Variants in ANK3 observed in about 807,000 individuals in gnomAD.
The protein encoded by ANK3 is ankyrin-3.
In ANK3, 57 loss-of-function variants were observed where a neutral mutation model predicts 370.9. That is an observed-to-expected ratio of 0.15 (90% CI 0.12 to 0.19). ANK3 has a LOEUF of 0.19. Ranked by LOEUF, ANK3 falls within the 10% of genes least tolerant of loss-of-function variation. The probability of loss-of-function intolerance (pLI) is 1.00; values close to 1 mark genes in which losing one functional copy is unlikely to be tolerated. For missense variants in ANK3, 4,439 were observed against 5,302.1 expected (o/e 0.84, Z 5.06); for synonymous variants, 1,929 against 1,946.3 (o/e 0.99, Z 0.23).
intron 2 of ANK3, among the ~76,000 whole-genome samples, chr10:60,467,439 G>A (rs1260472876): frequency 6.6e-6 from 1 of 152,118 alleles, no homozygotes; most frequent in Admixed American, 6.5e-5. Context: ...AGCAGGATGT[G>A]GGAGGTATCA....
intron 1 of ANK3, among the ~76,000 whole-genome samples, chr10:60,352,075 C>T (rs1407276245): frequency 6.6e-6 from 1 of 152,164 alleles, no homozygotes; most frequent in Non-Finnish European, 1.5e-5. Context: ...CACAGGCAGA[C>T]ACCTGAAGTT....
intron 7 of ANK3, among the ~76,000 whole-genome samples, chr10:60,246,648 T>C (rs1338780982): frequency 6.6e-6 from 1 of 152,194 alleles, no homozygotes; most frequent in Non-Finnish European, 1.5e-5. Context: ...GCTCTGAGTG[T>C]TGGGATCTGT....
At chr10:60,695,383 G>C (rs7898063) in intron 1 of ANK3, among the ~76,000 whole-genome samples, 50,884 of 151,844 alleles carry the variant, frequency 0.34, 8,721 homozygotes, top group African/African-American at 0.38. Context: ...ATTGAACTCA[G>C]CTCTGCACCA....
intron 43 of ANK3, among the ~76,000 whole-genome samples, chr10:60,034,106 G>GTTT (rs61678524): frequency 6.4e-4 from 74 of 115,876 alleles, no homozygotes; most frequent in African/African-American, 1.0e-3. Flanking sequence ...TTGTTTTTTG[G>GTTT]TTTTTTTTTT....
intron 23 of ANK3, among the ~76,000 whole-genome samples, chr10:60,152,161 A>G (rs1171029480): frequency 6.6e-6 from 1 of 152,232 alleles, no homozygotes; most frequent in African/African-American, 2.4e-5. Flanking sequence ...AGACACCAGG[A>G]CAACTCTGAT....
At chr10:60,419,968 A>G (rs1297729577) in intron 2 of ANK3, among the ~76,000 whole-genome samples, 1 of 152,116 alleles carries the variant, frequency 6.6e-6, no homozygotes, top group Non-Finnish European at 1.5e-5. Context: ...TCTCCACTGT[A>G]GCAAATTAGC....
intron 1 of ANK3, among the ~76,000 whole-genome samples, chr10:60,622,473 C>T (rs1440152724): frequency 2.0e-5 from 3 of 151,974 alleles, no homozygotes; most frequent in Admixed American, 1.3e-4. Flanking sequence ...AAGCTCCTGA[C>T]CTCATGATTC....
chr10:60,511,491 A>C (rs2076078458), intron 2 of ANK3, among the ~76,000 whole-genome samples: 1 of 152,190 alleles, frequency 6.6e-6, no homozygotes, highest in Non-Finnish European at 1.5e-5. Context: ...CCATCTCTGA[A>C]TTACATAATA....
chr10:60,279,227 T>C lies in ANK3; in HGVS notation c.217-79A>G. 3 of 1,224,254 alleles carry C rather than the reference T, an allele frequency of 2.5e-6. No individual in the cohort carries two copies. In the Admixed American group the frequency reaches 5.1e-5, roughly 21 times the overall value. 75.8% of individuals were successfully genotyped at this position (1,224,254 alleles called of 1,614,324 possible). ...AACAACCGACCAAGAACTCCTGAGA[T>C]ATTATAAAGTCCCACCTGATGATCA... On this transcript the variant is annotated intron_variant, in intron 2 of 43. Transcript: ENST00000280772.
At chr10:60,580,796 A>G (rs983142470) in intron 2 of ANK3, among the ~76,000 whole-genome samples, 14 of 152,230 alleles carry the variant, frequency 9.2e-5, no homozygotes, top group African/African-American at 3.4e-4. Flanking sequence ...ACACCTTCGC[A>G]GGGAATCTGG....
In ANK3 at chr10:60,472,907, A is replaced by G. The variant is rs1245141532; in HGVS notation, c.96+142279T>C. Among the ~76,000 whole-genome samples the G allele has an allele frequency of 5.9e-5, 9 of 152,306 alleles. 1 individual carries two copies. In the South Asian group the frequency reaches 1.9e-3, roughly 32 times the overall value. On this transcript the variant is annotated intron_variant, in intron 2 of 43. Coordinates refer to the ANK3 transcript ENST00000373827. ...TGCCTATGACAGCATCCTCTTCTTC[A>G]TGGAGCTCAAAGATTCAGGAAAACA...
At chr10:60,686,662 G>A (rs1351087576) in intron 1 of ANK3, among the ~76,000 whole-genome samples, 1 of 152,034 alleles carries the variant, frequency 6.6e-6, no homozygotes, top group African/African-American at 2.4e-5. Flanking sequence ...TTATTTTGGT[G>A]TAATCTTAGA....
At chr10:60,435,733 T>TG (rs1163995844) in intron 2 of ANK3, among the ~76,000 whole-genome samples, 2 of 152,240 alleles carry the variant, frequency 1.3e-5, no homozygotes, top group Non-Finnish European at 2.9e-5. Flanking sequence ...TTGCCTACTC[T>TG]GGACATTTCA....
intron 24 of ANK3, among the ~76,000 whole-genome samples, chr10:60,137,679 A>T (rs537668755): frequency 6.6e-6 from 1 of 152,114 alleles, no homozygotes; most frequent in East Asian, 1.9e-4. Context: ...AATTATATTA[A>T]GAAAAAAAAT....
At chr10:60,700,550 A>G (rs1381486961) in intron 1 of ANK3, among the ~76,000 whole-genome samples, 1 of 152,222 alleles carries the variant, frequency 6.6e-6, no homozygotes, top group Non-Finnish European at 1.5e-5. Flanking sequence ...AGAGGTGGCC[A>G]GCTGTGCAAG....
intron 2 of ANK3, among the ~76,000 whole-genome samples, chr10:60,599,391 G>A (rs530808755): frequency 2.6e-5 from 4 of 152,212 alleles, no homozygotes; most frequent in East Asian, 3.9e-4. Flanking sequence ...ATTCGATACC[G>A]CGCTTCTTTT....
intron 2 of ANK3, among the ~76,000 whole-genome samples, chr10:60,482,144 C>T (rs1299773901): frequency 6.6e-6 from 1 of 152,114 alleles, no homozygotes; most frequent in African/African-American, 2.4e-5. Context: ...TTTCTTAATT[C>T]CTACCTCAAA....
chr10:60,269,200 G>A (rs1207451261), intron 5 of ANK3, among the ~76,000 whole-genome samples: 1 of 152,184 alleles, frequency 6.6e-6, no homozygotes, highest in Non-Finnish European at 1.5e-5. Context: ...AGTGATTCCA[G>A]TCTTCCATCC....
At chr10:60,301,164 A>G (rs188612481) in intron 1 of ANK3, among the ~76,000 whole-genome samples, 2 of 147,842 alleles carry the variant, frequency 1.4e-5, no homozygotes, top group Admixed American at 1.4e-4. Flanking sequence ...GTGTGTATAT[A>G]TATATACACA....
Sources: allele counts gnomAD v4.1 joint callset (sites outside exome capture counted in the v4.1 genomes callset), GRCh38; gene constraint gnomAD v4.1.1; transcripts MANE v1.5; gene names NCBI Gene and HGNC (gene_info 2026-07-23, HGNC 2026-07-21).